The following DOCK1 variants were observed in gnomAD, a reference collection of about 807,000 sequenced individuals.
DOCK1 encodes the protein dedicator of cytokinesis protein 1.
DOCK1 carries 138 observed loss-of-function variants against 262.7 expected under a neutral mutation model. The observed-to-expected ratio is 0.53, with a 90% CI of 0.46 to 0.61. DOCK1 has a LOEUF of 0.61. Among genes scored for constraint, DOCK1 ranks in the 20% least tolerant of loss-of-function variants. DOCK1 has a pLI of 0.00. For missense variants in DOCK1, 1,908 were observed against 2,370.7 expected (o/e 0.80, Z 4.05); for synonymous variants, 866 against 867.4 (o/e 1.00, Z 0.03).
In DOCK1 at chr10:127,439,105, G is replaced by A; in HGVS notation, c.5139G>A (p.Lys1713=). The change falls in exon 49 of 52, where the codon AAG becomes AAA. Residue 1713 remains lysine, a synonymous_variant. Coordinates refer to ENST00000623213, the MANE Select transcript of DOCK1 (RefSeq NM_001290223.2). ...AGCTGGACAAGGATGACCTGGAGAAGGAGAAGAAGGACAAGAAGAAGGAAA... is the reference window on the plus strand; with the variant it reads ...AGCTGGACAAGGATGACCTGGAGAAAGAGAAGAAGGACAAGAAGAAGGAAA... ...QDKLDKDDLE[K]EKKDKKKEKR... The A allele has an allele frequency of 6.3e-7, 1 of 1,576,934 alleles. No individual in the cohort carries two copies. The highest frequency in any genetic ancestry group is 1.3e-5 in the African/African-American group (1 of 74,216).
intron 27 of DOCK1, among the ~76,000 whole-genome samples, chr10:127,144,489 G>A (rs1481653643): frequency 2.6e-5 from 4 of 152,150 alleles, no homozygotes; most frequent in Admixed American, 2.0e-4. Flanking sequence ...TGCTGGCTCT[G>A]AACCTGCTCT....
At chr10:127,339,231 A>G in intron 30 of DOCK1, 147 bp downstream of exon 30, 1 of 678,810 alleles carries the variant, frequency 1.5e-6, no homozygotes, top group Non-Finnish European at 2.5e-6. Flanking sequence ...AGTATGTACT[A>G]TTGGAACCTG....
chr10:127,391,392 A>G (rs1488677055), intron 38 of DOCK1, among the ~76,000 whole-genome samples: 2 of 152,182 alleles, frequency 1.3e-5, no homozygotes, highest in Non-Finnish European at 2.9e-5. Context: ...CTGCCAAGAT[A>G]AGGTGTAAGA....
At chr10:127,227,999 A>G (rs1216939578) in intron 27 of DOCK1, among the ~76,000 whole-genome samples, 3 of 152,148 alleles carry the variant, frequency 2.0e-5, no homozygotes, top group African/African-American at 7.2e-5. Flanking sequence ...TATGTTGGCA[A>G]TTTCTCAAGC....
chr10:127,216,197 G>A (rs988194976), intron 27 of DOCK1, among the ~76,000 whole-genome samples: 1 of 151,920 alleles, frequency 6.6e-6, no homozygotes, highest in Non-Finnish European at 1.5e-5. Flanking sequence ...CTGCTTTAGG[G>A]AGAGCAAAAA....
At position 126,962,448 on chromosome 10, in the gene DOCK1, T is replaced by C. The variant is rs2037304327; in HGVS notation, c.47-8254T>C. On this transcript the variant is annotated intron_variant, in intron 1 of 51. Coordinates refer to ENST00000623213, the MANE Select transcript of DOCK1 (RefSeq NM_001290223.2). ...TGCTGGGATTACAGGTATGAACCAC[T>C]GCACCCGGCCAGTTTTGGCATTTTT... is the stretch of plus-strand genomic sequence containing the variant. Among the ~76,000 whole-genome samples, 4 of 151,400 alleles carry C rather than the reference T, an allele frequency of 2.6e-5. No individual in the cohort carries two copies. The East Asian group carries it at 7.8e-4, about 29-fold the overall frequency.
intron 27 of DOCK1, among the ~76,000 whole-genome samples, chr10:127,132,021 C>G (rs2050356403): frequency 6.6e-6 from 1 of 152,190 alleles, no homozygotes; most frequent in Non-Finnish European, 1.5e-5. Flanking sequence ...AACAACAGTA[C>G]TAGAAATGTG....
At chr10:127,221,110 G>A (rs1212584672) in intron 27 of DOCK1, among the ~76,000 whole-genome samples, 1 of 152,192 alleles carries the variant, frequency 6.6e-6, no homozygotes, top group Non-Finnish European at 1.5e-5. Flanking sequence ...GGAAGCTATG[G>A]TATTTTATTT....
intron 27 of DOCK1, among the ~76,000 whole-genome samples, chr10:127,146,490 A>G (rs961085555): frequency 2.0e-5 from 3 of 152,228 alleles, no homozygotes; most frequent in Non-Finnish European, 4.4e-5. Flanking sequence ...ATTTTCAAGA[A>G]GAATTTAGAG....
chr10:127,444,222 C>A lies in DOCK1; in HGVS notation c.5356C>A (p.Gln1786Lys), dbSNP rs373740290. Residue 1786 changes from glutamine to lysine, a missense_variant, in exon 50 of 52, where the codon CAG becomes AAG. By Grantham distance (53) the Gln-to-Lys change is moderately conservative (BLOSUM62 1). Around this residue, in one of 9 missense-constraint regions of DOCK1, gnomAD observed 383 missense variants for 420.1 expected, o/e 0.91. Coordinates refer to ENST00000623213, the MANE Select transcript of DOCK1 (RefSeq NM_001290223.2). ...GGTGTCCCCCTCGTCACCGTCCTCCCAGCAAACACCCCCTCCAGTTACACC... is the reference window on the plus strand; with the variant it reads ...GGTGTCCCCCTCGTCACCGTCCTCCAAGCAAACACCCCCTCCAGTTACACC... ...FSVSPSSPSS[Q>K]QTPPPVTPRA... 52 of 1,612,206 alleles carry A rather than the reference C, an allele frequency of 3.2e-5. No homozygotes were observed. In the African/African-American group the frequency reaches 5.5e-4, roughly 17 times the overall value.
chr10:126,993,148 C>A (rs1485413535), intron 6 of DOCK1, among the ~76,000 whole-genome samples: 1 of 152,238 alleles, frequency 6.6e-6, no homozygotes, highest in East Asian at 1.9e-4. Context: ...TGACGGTCTG[C>A]CCTGGCAGGT....
chr10:127,166,734 T>C (rs1245687751), intron 27 of DOCK1, among the ~76,000 whole-genome samples: 1 of 152,216 alleles, frequency 6.6e-6, no homozygotes, highest in Non-Finnish European at 1.5e-5. Context: ...AGGAATTGCA[T>C]GGAGTTTTTA....
At chr10:126,994,600 G>T (rs921093086) in intron 6 of DOCK1, among the ~76,000 whole-genome samples, 1 of 152,216 alleles carries the variant, frequency 6.6e-6, no homozygotes, top group Admixed American at 6.5e-5. Flanking sequence ...AACCCTGAGT[G>T]GACACAGCAC....
At chr10:127,230,176 G>C (rs2058789518) in intron 27 of DOCK1, among the ~76,000 whole-genome samples, 1 of 152,096 alleles carries the variant, frequency 6.6e-6, no homozygotes, top group Admixed American at 6.5e-5. Flanking sequence ...TCCCCTTTCA[G>C]ATATATGAAT....
intron 29 of DOCK1, among the ~76,000 whole-genome samples, chr10:127,261,500 C>T (rs1414185940): frequency 2.7e-5 from 3 of 110,318 alleles, no homozygotes; most frequent in East Asian, 3.0e-4. Context: ...TGTGTGTGTG[C>T]ATGTGGGTGT....
chr10:127,110,414 C>G (rs201194223), intron 25 of DOCK1, 60 bp downstream of exon 25: 1 of 1,464,544 alleles, frequency 6.8e-7, no homozygotes, highest in Non-Finnish European at 9.4e-7. Flanking sequence ...AAGACATTGA[C>G]CCTCTGAATT....
intron 41 of DOCK1, 25 bp downstream of exon 41, chr10:127,409,203 A>G: frequency 6.2e-7 from 1 of 1,612,382 alleles, no homozygotes; most frequent in Non-Finnish European, 8.5e-7. Context: ...AACCTCATCA[A>G]CTCTGAAACC....
chr10:127,152,527 C>T (rs913389124), intron 27 of DOCK1, among the ~76,000 whole-genome samples: 1 of 152,182 alleles, frequency 6.6e-6, no homozygotes, highest in Non-Finnish European at 1.5e-5. Flanking sequence ...CCTCTTACAA[C>T]ACTCTAAGGT....
At chr10:127,070,410 C>T (rs548289500) in intron 23 of DOCK1, among the ~76,000 whole-genome samples, 2 of 151,716 alleles carry the variant, frequency 1.3e-5, no homozygotes, top group Admixed American at 6.6e-5. Context: ...CCCACTACCA[C>T]GCCAAGCTAA....
Sources: gnomAD v4.1 joint callset for allele counts (sites outside exome capture counted in the v4.1 genomes callset) on GRCh38, gnomAD v4.1.1 for gene constraint, gnomAD v4.1.1 regional missense constraint, MANE v1.5 for transcripts, NCBI Gene and HGNC (gene_info 2026-07-23, HGNC 2026-07-21) for gene names.